Variants in ELL2 observed in about 807,000 individuals in gnomAD.
ELL2 encodes the protein elongation factor for RNA polymerase II 2, also known as RNA polymerase II elongation factor ELL2.
A neutral mutation model predicts 72.8 loss-of-function variants in ELL2; 21 were observed. That is an observed-to-expected ratio of 0.29 (90% CI 0.20 to 0.42). ELL2 has a LOEUF of 0.42. Ranked by LOEUF, ELL2 falls within the 10% of genes least tolerant of loss-of-function variation. The pLI, the probability that ELL2 is intolerant of heterozygous loss-of-function variation, is 1.00. For synonymous variants in ELL2, 266 were observed against 283.2 expected (o/e 0.94, Z 0.61); for missense variants, 568 against 772.8 (o/e 0.73, Z 3.14).
In ELL2 at chr5:95,901,022, T is replaced by G. The variant is rs1749118946; in HGVS notation, c.800A>C (p.Glu267Ala). ...SYTLKDYVFK[E>A]LQRDWPGYSE... ...GTATCCAGGCCAGTCTCTTTGAAGCTCTTTAAAAACATAATCCTTTAAGGT... is the reference window on the plus strand; with the variant it reads ...GTATCCAGGCCAGTCTCTTTGAAGCGCTTTAAAAACATAATCCTTTAAGGT... Residue 267 changes from glutamate (E) to alanine (A), a missense_variant, in exon 6 of 12, where the codon GAG becomes GCG. By Grantham distance (107) the Glu-to-Ala change is moderately radical (BLOSUM62 -1). This residue lies in a region of ELL2 where 511 missense variants were observed against 728.4 expected (regional missense o/e 0.70). Coordinates refer to ENST00000237853, the MANE Select transcript of ELL2 (RefSeq NM_012081.6). 1 of 1,613,682 alleles carries G rather than the reference T, an allele frequency of 6.2e-7. No homozygotes were observed. The highest frequency in any genetic ancestry group is 1.1e-5 in the South Asian group (1 of 90,986).
At chr5:95,908,031 T>C (rs140135917) in intron 4 of ELL2, among the ~76,000 whole-genome samples, 1 of 152,350 alleles carries the variant, frequency 6.6e-6, no homozygotes, top group Non-Finnish European at 1.5e-5. Flanking sequence ...CTCTACTGGC[T>C]GGTATGTTTC....
intron 5 of ELL2, among the ~76,000 whole-genome samples, chr5:95,905,605 C>A (rs1345395303): frequency 1.3e-5 from 2 of 152,112 alleles, no homozygotes; most frequent in East Asian, 3.9e-4. Context: ...ATTGAGATAC[C>A]TTGGGGACTG....
rs1347752466 is a variant in ELL2, at chr5:95,949,053, A to T, written c.148-6004T>A. Among the ~76,000 whole-genome samples the T allele has an allele frequency of 2.6e-5, 4 of 152,200 alleles. No individual in the cohort carries two copies. In the East Asian group the frequency reaches 7.7e-4, roughly 29 times the overall value. On this transcript the variant is annotated intron_variant, in intron 1 of 11. Coordinates refer to ENST00000237853, the MANE Select transcript of ELL2 (RefSeq NM_012081.6). ...GCTCTTAAGTTTGGTTATACTCTTG[A>T]CATCTGCATTTACAAGCCAATGCTA...
rs561026857 is a variant in ELL2, at chr5:95,910,413, C to T, written c.481+3358G>A. ...ATTTAGGTAGAAGTCAGTGAGCAGA[C>T]TTAAAATATCGGTGAATTAGAAGCA... On this transcript the variant is annotated intron_variant, in intron 4 of 11. Coordinates refer to ENST00000237853, the MANE Select transcript of ELL2 (RefSeq NM_012081.6). Among the ~76,000 whole-genome samples the T allele has an allele frequency of 1.7e-3, 260 of 151,810 alleles. No individual in the cohort carries two copies. In the Middle Eastern group the frequency reaches 0.02, roughly 12 times the overall value.
chr5:95,929,352 G>A (rs140578087), intron 2 of ELL2, among the ~76,000 whole-genome samples: 8,294 of 150,886 alleles, frequency 0.055, 692 homozygotes, highest in East Asian at 0.42. Flanking sequence ...TCTGCCGCCT[G>A]GGTTCAAGCG....
chr5:95,957,131 AT>A (rs1318432693), intron 1 of ELL2, among the ~76,000 whole-genome samples: 1 of 152,252 alleles, frequency 6.6e-6, no homozygotes, highest in Non-Finnish European at 1.5e-5. Flanking sequence ...TTGAGTAAAC[AT>A]TTTTTAAAAA....
chr5:95,951,440 T>A (rs181861006), intron 1 of ELL2, among the ~76,000 whole-genome samples: 1 of 151,126 alleles, frequency 6.6e-6, no homozygotes, highest in Admixed American at 6.5e-5. Context: ...ATTCCACCAT[T>A]TTTTCCCCCA....
At chr5:95,948,429 CAAAAAAAAAAAA>C in intron 1 of ELL2, among the ~76,000 whole-genome samples, 1 of 35,230 alleles carries the variant, frequency 2.8e-5, no homozygotes, top group East Asian at 8.5e-4. Flanking sequence ...GACTCCGCCT[CAAAAAAAAAAAA>C]AAAAAAAAAA....
intron 2 of ELL2, among the ~76,000 whole-genome samples, chr5:95,934,051 C>T (rs1264469101): frequency 6.6e-6 from 1 of 152,136 alleles, no homozygotes; most frequent in African/African-American, 2.4e-5. Flanking sequence ...CCTCAAATAC[C>T]TTCTTTCCTA....
At chr5:95,911,404 C>A (rs566834921) in intron 4 of ELL2, among the ~76,000 whole-genome samples, 31 of 151,514 alleles carry the variant, frequency 2.0e-4, no homozygotes, top group Admixed American at 9.2e-4. Flanking sequence ...GTGGCACAAT[C>A]TCGGCTCACT....
chr5:95,905,254 C>CAT (rs1561493889), intron 5 of ELL2, among the ~76,000 whole-genome samples: 1 of 149,540 alleles, frequency 6.7e-6, no homozygotes, highest in East Asian at 1.9e-4. Flanking sequence ...CACACACACA[C>CAT]GTATATATAT....
chr5:95,937,657 C>G (rs939961366), intron 2 of ELL2, among the ~76,000 whole-genome samples: 11 of 152,030 alleles, frequency 7.2e-5, no homozygotes, highest in African/African-American at 2.7e-4. Context: ...TAGATGATAT[C>G]TATGCATGTT....
chr5:95,911,601 C>G (rs1166125372), intron 4 of ELL2, among the ~76,000 whole-genome samples: 2 of 152,204 alleles, frequency 1.3e-5, no homozygotes, highest in African/African-American at 2.4e-5. Context: ...CCGCCTCGGC[C>G]TCCCAAAGTG....
chr5:95,936,233 T>C (rs563360471), intron 2 of ELL2, among the ~76,000 whole-genome samples: 26 of 152,376 alleles, frequency 1.7e-4, no homozygotes, highest in African/African-American at 5.5e-4. Context: ...CATTTACTGA[T>C]GTAGTTTTCT....
In ELL2 at chr5:95,948,383, T is replaced by C. The variant is rs895535220; in HGVS notation, c.148-5334A>G. 1.4e-4 allele frequency among the ~76,000 whole-genome samples: 18 copies of C among 125,430 alleles called. 1 individual carries two copies. The Admixed American group carries it at 1.5e-3, about 10-fold the overall frequency. The allele number at this position is 125,430 out of a possible 152,430, so 82.3% of individuals were successfully genotyped here. ...AGGCGGAGCTTGCAGTGAGCCGAGA[T>C]GGCGCCACAGCACTCCAGCCTGGGC... On this transcript the variant is annotated intron_variant, in intron 1 of 11. Coordinates refer to ENST00000237853, the MANE Select transcript of ELL2 (RefSeq NM_012081.6).
chr5:95,942,589 T>C (rs1176390347), intron 2 of ELL2, among the ~76,000 whole-genome samples: 1 of 152,180 alleles, frequency 6.6e-6, no homozygotes, highest in African/African-American at 2.4e-5. Flanking sequence ...TCCTGGTATA[T>C]ACAACTTAAA....
At chr5:95,950,939 TATATATATA>T (rs1469461132) in intron 1 of ELL2, among the ~76,000 whole-genome samples, 4,116 of 117,384 alleles carry the variant, frequency 0.035, 269 homozygotes, top group East Asian at 0.26. Flanking sequence ...TATATATATA[TATATATATA>T]TATATAAAAT....
chr5:95,954,469 C>T (rs1327878734), intron 1 of ELL2, among the ~76,000 whole-genome samples: 7 of 144,126 alleles, frequency 4.9e-5, no homozygotes, highest in East Asian at 2.0e-4. Flanking sequence ...TGCAGTGGTG[C>T]GATGTTGGCT....
In ELL2 at chr5:95,906,760, T is replaced by C. The variant is rs1749379115; in HGVS notation, c.504A>G (p.Lys168=). Residue 168 remains lysine, a synonymous_variant, in exon 5 of 12, where the codon AAA becomes AAG. Transcript: ENST00000237853. ...CTGTATCTGAAACAGCTTGAGGTGC[T>C]TTCCGAATTTGCACTCTTTTCCCTA... is the stretch of plus-strand genomic sequence containing the variant. The part of the protein sequence containing the change: ...PYVGKRVQIR[K]APQAVSDTVP... The C allele has an allele frequency of 6.2e-7, 1 of 1,612,008 alleles. No homozygotes were observed. Among genetic ancestry groups the C allele is most frequent in the Non-Finnish European group, 8.5e-7 (1 of 1,178,806 alleles).
Sources: gnomAD v4.1 joint callset for allele counts (sites outside exome capture counted in the v4.1 genomes callset) on GRCh38, gnomAD v4.1.1 for gene constraint, gnomAD v4.1.1 regional missense constraint, MANE v1.5 for transcripts, NCBI Gene and HGNC (gene_info 2026-07-23, HGNC 2026-07-21) for gene names.